Variants in FAM53B observed in about 807,000 individuals in gnomAD.
The protein encoded by FAM53B is protein FAM53B.
A neutral mutation model predicts 32.7 loss-of-function variants in FAM53B; 12 were observed. The ratio of observed to expected loss-of-function variants is 0.37; its 90% CI spans 0.24 to 0.59. The LOEUF is 0.59. Among genes scored for constraint, FAM53B ranks in the 20% least tolerant of loss-of-function variants. The pLI, the probability that FAM53B is intolerant of heterozygous loss-of-function variation, is 0.72. For synonymous variants in FAM53B, 234 were observed against 228.7 expected, an observed-to-expected ratio of 1.02 and a Z score of -0.21; for missense variants, 477 against 577.7, an observed-to-expected ratio of 0.83 and a Z score of 1.79.
At chr10:124,669,081 C>T (rs964251667) in intron 4 of FAM53B, among the ~76,000 whole-genome samples, 3 of 152,202 alleles carry the variant, frequency 2.0e-5, no homozygotes, top group African/African-American at 7.2e-5. Flanking sequence ...TCAAGACAAG[C>T]CATTTTGGGG....
chr10:124,699,673 G>A (rs1339864519), intron 2 of FAM53B, among the ~76,000 whole-genome samples: 6 of 152,160 alleles, frequency 3.9e-5, no homozygotes, highest in Non-Finnish European at 4.4e-5. Context: ...TACCTTCATC[G>A]TCACTGGATC....
At chr10:124,625,584 GCCTGCCCCTGGC>G in intron 4 of FAM53B, among the ~76,000 whole-genome samples, 1 of 152,198 alleles carries the variant, frequency 6.6e-6, no homozygotes, top group East Asian at 1.9e-4. Flanking sequence ...CAGGATCCTC[GCCTGCCCCTGGC>G]CAGGCCTGGG....
chr10:124,705,799 C>G (rs1157631728), intron 2 of FAM53B: 1 of 152,334 alleles, frequency 6.6e-6, no homozygotes, highest in East Asian at 1.9e-4. Flanking sequence ...CTGGCATGAG[C>G]TAGGGGAAGG....
intron 4 of FAM53B, among the ~76,000 whole-genome samples, chr10:124,654,524 C>T (rs1949574967): frequency 6.6e-6 from 1 of 152,230 alleles, no homozygotes; most frequent in African/African-American, 2.4e-5. Flanking sequence ...TTTCCACTTA[C>T]AGCAGAACAA....
chr10:124,679,574 C>T (rs1475896100), intron 4 of FAM53B, among the ~76,000 whole-genome samples: 11 of 152,250 alleles, frequency 7.2e-5, no homozygotes, highest in Admixed American at 7.2e-4. Context: ...TTGGTGGGGG[C>T]ATGGCTCAGC....
chr10:124,648,196 G>A (rs562908416), intron 4 of FAM53B, among the ~76,000 whole-genome samples: 10 of 152,344 alleles, frequency 6.6e-5, no homozygotes, highest in African/African-American at 1.9e-4. Flanking sequence ...AAGACACATC[G>A]AGGATCCAAG....
chr10:124,654,791 T>C (rs1278114288), intron 4 of FAM53B, among the ~76,000 whole-genome samples: 1 of 152,150 alleles, frequency 6.6e-6, no homozygotes, highest in Non-Finnish European at 1.5e-5. Context: ...TCTGAGTCCC[T>C]GGGTTTGTGA....
intron 3 of FAM53B, among the ~76,000 whole-genome samples, chr10:124,693,150 C>T (rs1252970931): frequency 6.6e-6 from 1 of 152,150 alleles, no homozygotes; most frequent in Non-Finnish European, 1.5e-5. Flanking sequence ...TCTAGCCGGC[C>T]CCTCAGAGTA....
chr10:124,671,944 G>C (rs1468107387), intron 4 of FAM53B, among the ~76,000 whole-genome samples: 1 of 152,194 alleles, frequency 6.6e-6, no homozygotes, highest in African/African-American at 2.4e-5. Flanking sequence ...TGCAGCAAAG[G>C]GTTTGTTCTT....
chr10:124,648,108 C>A (rs1219394909), intron 4 of FAM53B, among the ~76,000 whole-genome samples: 1 of 152,198 alleles, frequency 6.6e-6, no homozygotes, highest in Non-Finnish European at 1.5e-5. Context: ...CCCTGCAGGG[C>A]ACAATGGCAC....
chr10:124,736,699 G>C (rs1451599666), intron 1 of FAM53B, among the ~76,000 whole-genome samples: 1 of 152,236 alleles, frequency 6.6e-6, no homozygotes, highest in Admixed American at 6.5e-5. Context: ...ACGGGGTGGG[G>C]GCAGGCAGCA....
chr10:124,719,479 T>C (rs904837229), intron 1 of FAM53B, among the ~76,000 whole-genome samples: 2 of 152,192 alleles, frequency 1.3e-5, no homozygotes, highest in Non-Finnish European at 2.9e-5. Context: ...CAAAAGACTC[T>C]GGAAGAGTTA....
At chr10:124,672,286 C>A (rs2055929776) in intron 4 of FAM53B, among the ~76,000 whole-genome samples, 1 of 152,248 alleles carries the variant, frequency 6.6e-6, no homozygotes, top group South Asian at 2.1e-4. Flanking sequence ...ATTTGTGCTT[C>A]CTGCTCTGGC....
At chr10:124,632,044 G>T (rs1949394359) in intron 4 of FAM53B, among the ~76,000 whole-genome samples, 2 of 152,216 alleles carry the variant, frequency 1.3e-5, no homozygotes, top group South Asian at 4.1e-4. Flanking sequence ...CAGCCCTGGG[G>T]TCCTGAGGCC....
At chr10:124,641,327 G>A (rs1402652833) in intron 4 of FAM53B, among the ~76,000 whole-genome samples, 2 of 152,246 alleles carry the variant, frequency 1.3e-5, no homozygotes, top group African/African-American at 2.4e-5. Context: ...GATGGGAAGT[G>A]TGAGCTGTGG....
intron 4 of FAM53B, among the ~76,000 whole-genome samples, chr10:124,649,418 C>G (rs1949541337): frequency 6.6e-6 from 1 of 152,218 alleles, no homozygotes; most frequent in Non-Finnish European, 1.5e-5. Flanking sequence ...ACAGGGCAGG[C>G]TGGCCCAGGC....
At chr10:124,734,989 C>G (rs1265897291) in intron 1 of FAM53B, among the ~76,000 whole-genome samples, 1 of 152,220 alleles carries the variant, frequency 6.6e-6, no homozygotes, top group Non-Finnish European at 1.5e-5. Flanking sequence ...AGACTGAGGT[C>G]AGGTTCAGGT....
intron 2 of FAM53B, among the ~76,000 whole-genome samples, chr10:124,702,966 G>A (rs753370404): frequency 1.3e-5 from 2 of 152,056 alleles, no homozygotes; most frequent in Admixed American, 6.5e-5. Flanking sequence ...CTCTCACCTC[G>A]TGACACACTT....
At chr10:124,739,802 T>C (rs1012400058) in intron 1 of FAM53B, among the ~76,000 whole-genome samples, 1 of 152,116 alleles carries the variant, frequency 6.6e-6, no homozygotes, top group African/African-American at 2.4e-5. Context: ...CTGTAACCCC[T>C]GACGTGATGT....
Sources: gnomAD v4.1 joint callset for allele counts (sites outside exome capture counted in the v4.1 genomes callset) on GRCh38, gnomAD v4.1.1 for gene constraint, MANE v1.5 for transcripts, NCBI Gene and HGNC (gene_info 2026-07-23, HGNC 2026-07-21) for gene names.